PCDH15: variants seen among roughly 807,000 people sequenced by gnomAD.
PCDH15 encodes the protein protocadherin-15.
In PCDH15, 129 loss-of-function variants were observed where a neutral mutation model predicts 178.5. That is an observed-to-expected ratio of 0.72 (90% confidence interval 0.63 to 0.84). The LOEUF is 0.84. Ranked by LOEUF, PCDH15 falls within the 40% of genes least tolerant of loss-of-function variation. The pLI, the probability that PCDH15 is intolerant of heterozygous loss-of-function variation, is 0.00. For missense variants in PCDH15, 2,230 were observed against 2,099.9 expected (o/e 1.06, Z -1.21); for synonymous variants, 800 against 732.0 (o/e 1.09, Z -1.50).
In PCDH15 at chr10:54,717,570, CA is replaced by C. The variant is rs544989344; in HGVS notation, c.-28-53281del. Among the ~76,000 whole-genome samples, 833 of 141,268 alleles carry C rather than the reference CA, an allele frequency of 5.9e-3. 83 individuals are homozygous for C. Among genetic ancestry groups the C allele is most frequent in the Middle Eastern group, 0.019 (5 of 266 alleles). The allele number at this position is 141,268 out of a possible 152,430, so 92.7% of individuals were successfully genotyped here. A position where few individuals can be genotyped will look rare whatever the true frequency, so the allele number is the denominator to read the frequency against. ...TCAAAACCACAATGAGATATCATCT[CA>C]CACCAGTTAGAATGGCAATCATTAA... On this transcript the variant is annotated intron_variant, in intron 1 of 37. Transcript: ENST00000644397.
intron 10 of PCDH15, among the ~76,000 whole-genome samples, 191 bp downstream of exon 10, chr10:54,213,745 G>A (rs1354360043): frequency 6.6e-6 from 1 of 152,058 alleles, no homozygotes; most frequent in South Asian, 2.1e-4. Context: ...ACTATAAAAC[G>A]TTATTTTAGA....
chr10:53,855,418 C>T (rs1006763344), intron 28 of PCDH15, among the ~76,000 whole-genome samples: 18 of 151,938 alleles, frequency 1.2e-4, no homozygotes, highest in African/African-American at 4.3e-4. Flanking sequence ...TAAACTACTT[C>T]TGCAGAAATA....
chr10:55,000,249 C>T (rs971937244), intron 2 of PCDH15, among the ~76,000 whole-genome samples: 4 of 152,252 alleles, frequency 2.6e-5, no homozygotes, highest in South Asian at 2.1e-4. Context: ...CCTGCTGAAG[C>T]GGCCATTTTA....
chr10:53,851,876 T>C (rs1006131221), intron 28 of PCDH15, among the ~76,000 whole-genome samples: 2 of 151,502 alleles, frequency 1.3e-5, no homozygotes, highest in African/African-American at 2.4e-5. Flanking sequence ...GCTACATAAA[T>C]ATTTCATAAA....
intron 2 of PCDH15, among the ~76,000 whole-genome samples, chr10:54,531,956 A>G (rs1250171931): frequency 6.6e-6 from 1 of 152,174 alleles, no homozygotes; most frequent in African/African-American, 2.4e-5. Flanking sequence ...AGGAAGTCAC[A>G]TTTCATTTTA....
intron 2 of PCDH15, among the ~76,000 whole-genome samples, chr10:55,137,465 C>T (rs1279275084): frequency 1.3e-5 from 2 of 151,772 alleles, no homozygotes; most frequent in Non-Finnish European, 2.9e-5. Flanking sequence ...AATGTTTGCC[C>T]AGTGAGAAAG....
chr10:53,822,008 G>C, intron 32 of PCDH15: 1 of 1,613,908 alleles, frequency 6.2e-7, no homozygotes, highest in Non-Finnish European at 8.5e-7. Context: ...TGCGTAGATA[G>C]TTTTTTTCTA....
At chr10:54,101,676 TA>T (rs1479607298) in intron 15 of PCDH15, among the ~76,000 whole-genome samples, 1 of 152,094 alleles carries the variant, frequency 6.6e-6, no homozygotes, top group East Asian at 1.9e-4. Context: ...CCTTAAAAAT[TA>T]AAGTCTCAGC....
intron 26 of PCDH15, among the ~76,000 whole-genome samples, chr10:53,888,276 C>T (rs1257378385): frequency 6.5e-5 from 3 of 46,320 alleles, no homozygotes; most frequent in African/African-American, 3.8e-4. Context: ...AATAAACATT[C>T]CAACACTATA....
chr10:54,863,222 A>C (rs1204345412), intron 3 of PCDH15, among the ~76,000 whole-genome samples: 1 of 152,122 alleles, frequency 6.6e-6, no homozygotes, highest in Non-Finnish European at 1.5e-5. Flanking sequence ...AGAGGGCTCT[A>C]ATTTTTAAGA....
At chr10:54,293,893 T>G (rs529830721) in intron 8 of PCDH15, among the ~76,000 whole-genome samples, 2 of 152,276 alleles carry the variant, frequency 1.3e-5, no homozygotes, top group African/African-American at 2.4e-5. Flanking sequence ...TTTCAACCAG[T>G]GTGGAAGACA....
At chr10:53,935,590 C>T (rs1292877949) in intron 25 of PCDH15, among the ~76,000 whole-genome samples, 2 of 152,118 alleles carry the variant, frequency 1.3e-5, no homozygotes, top group African/African-American at 2.4e-5. Flanking sequence ...CTTTGGTTTA[C>T]GTATTATCTC....
chr10:54,994,910 A>G (rs1167564270), intron 2 of PCDH15, among the ~76,000 whole-genome samples: 3 of 152,232 alleles, frequency 2.0e-5, no homozygotes, highest in Admixed American at 2.0e-4. Context: ...TAAATTAATC[A>G]TTTAGAAACA....
At chr10:54,887,654 C>A (rs1301635082) in intron 3 of PCDH15, among the ~76,000 whole-genome samples, 1 of 151,908 alleles carries the variant, frequency 6.6e-6, no homozygotes, top group African/African-American at 2.4e-5. Context: ...AGAAGAAATG[C>A]ATTTTTTTGA....
chr10:54,291,903 T>G (rs1441803651), intron 8 of PCDH15, among the ~76,000 whole-genome samples: 3 of 152,098 alleles, frequency 2.0e-5, no homozygotes, highest in African/African-American at 7.2e-5. Context: ...CGAAGAGGAC[T>G]TGGAACCATT....
intron 2 of PCDH15, among the ~76,000 whole-genome samples, chr10:55,544,314 AT>A (rs1403368016): frequency 6.6e-6 from 1 of 151,190 alleles, no homozygotes; most frequent in Non-Finnish European, 1.5e-5. Flanking sequence ...TCCTCAGGTA[AT>A]TTTGACTTTT....
intron 35 of PCDH15, 85 bp downstream of exon 35, chr10:53,816,154 C>A: frequency 2.5e-6 from 1 of 398,056 alleles, no homozygotes; most frequent in Non-Finnish European, 4.4e-6. Context: ...GGCAGACACC[C>A]ACTCTGCCTA....
intron 2 of PCDH15, among the ~76,000 whole-genome samples, chr10:55,108,228 T>A (rs1837406333): frequency 6.6e-6 from 1 of 152,176 alleles, no homozygotes; most frequent in African/African-American, 2.4e-5. Flanking sequence ...TCTATGGTAG[T>A]TTGTTATAGC....
At chr10:54,960,848 A>C (rs921778354) in intron 2 of PCDH15, among the ~76,000 whole-genome samples, 3 of 152,200 alleles carry the variant, frequency 2.0e-5, no homozygotes, top group African/African-American at 7.2e-5. Flanking sequence ...ATATATCTAC[A>C]AGTGTACAAC....
Sources: allele counts gnomAD v4.1 joint callset (sites outside exome capture counted in the v4.1 genomes callset), GRCh38; gene constraint gnomAD v4.1.1; transcripts MANE v1.5; gene names NCBI Gene and HGNC (gene_info 2026-07-23, HGNC 2026-07-21).